The following FHIP2A variants were observed in gnomAD, a reference collection of about 807,000 sequenced individuals.
FHIP2A encodes family with sequence similarity 160 member B1.
Under a neutral mutation model 93.5 loss-of-function variants are expected in FHIP2A, and 46 were observed. The ratio of observed to expected loss-of-function variants is 0.49; its 90% CI spans 0.39 to 0.63. The LOEUF is 0.63. FHIP2A is among the 20% of genes least tolerant of loss of function. FHIP2A has a pLI of 0.00. For synonymous variants in FHIP2A, 332 were observed against 326.5 expected, an observed-to-expected ratio of 1.02 and a Z score of -0.18; for missense variants, 769 against 909.7, an observed-to-expected ratio of 0.85 and a Z score of 1.99.
At chr10:114,852,119 TA>T (rs1340494396) in intron 13 of FHIP2A, among the ~76,000 whole-genome samples, 1 of 133,736 alleles carries the variant, frequency 7.5e-6, no homozygotes, top group Non-Finnish European at 1.6e-5. Flanking sequence ...TCTCCTTTCT[TA>T]AGGCTTCTGC....
chr10:114,844,657 C>T (rs1453481282), intron 7 of FHIP2A, among the ~76,000 whole-genome samples: 1 of 152,092 alleles, frequency 6.6e-6, no homozygotes, highest in Non-Finnish European at 1.5e-5. Context: ...CCCCATTTAC[C>T]GTTCTTTTCT....
chr10:114,864,589 T>C lies in FHIP2A; in HGVS notation c.*3049T>C. 1.0e-6 allele frequency: 1 copy of C among 985,836 alleles called. No individual in the cohort carries two copies. Among genetic ancestry groups the C allele is most frequent in the Non-Finnish European group, 1.2e-6 (1 of 829,918 alleles). 61.1% of individuals were successfully genotyped at this position (985,836 alleles called of 1,614,324 possible). On this transcript the variant is annotated 3_prime_UTR_variant, in exon 17 of 17. Coordinates refer to ENST00000369248, the MANE Select transcript of FHIP2A (RefSeq NM_020940.4). The stretch of plus-strand genomic sequence containing the variant: ...TCTTGGTCCCTCCGTGGAGAAACTC[T>C]TCAGATGGTCATTGTGTACCTACTC...
chr10:114,855,133 T>A (rs2083759082), intron 13 of FHIP2A, 64 bp from the exon 14 acceptor site: 6 of 1,543,460 alleles, frequency 3.9e-6, no homozygotes, highest in Non-Finnish European at 5.3e-6. Context: ...TTTAATGAAA[T>A]CATTTCTATT....
intron 5 of FHIP2A, among the ~76,000 whole-genome samples, chr10:114,838,083 C>T (rs772499595): frequency 2.6e-5 from 4 of 152,106 alleles, no homozygotes; most frequent in Non-Finnish European, 5.9e-5. Flanking sequence ...CATAAGAAAC[C>T]GCCAAACTGT....
At chr10:114,842,049 C>G (rs1018014163) in intron 5 of FHIP2A, among the ~76,000 whole-genome samples, 1 of 151,938 alleles carries the variant, frequency 6.6e-6, no homozygotes, top group Non-Finnish European at 1.5e-5. Context: ...TGAGTAGTTT[C>G]TTGGGTTCTC....
chr10:114,824,387 A>G (rs1201593362), intron 1 of FHIP2A, among the ~76,000 whole-genome samples: 1 of 152,162 alleles, frequency 6.6e-6, no homozygotes, highest in Non-Finnish European at 1.5e-5. Flanking sequence ...CTGCTCTGTA[A>G]TATCCTTAGC....
chr10:114,827,790 C>A (rs11196935), intron 1 of FHIP2A, among the ~76,000 whole-genome samples: 56,091 of 136,860 alleles, frequency 0.41, 11,910 homozygotes, highest in Non-Finnish European at 0.48. Flanking sequence ...GAGCGAGACT[C>A]CATCTCAAAA....
intron 16 of FHIP2A, among the ~76,000 whole-genome samples, chr10:114,885,199 A>G (rs557750111): frequency 6.6e-6 from 1 of 152,170 alleles, no homozygotes; most frequent in Non-Finnish European, 1.5e-5. Context: ...GTTTGAGACC[A>G]GCCTGACCAA....
At chr10:114,834,154 G>GT (rs2083624087) in intron 3 of FHIP2A, among the ~76,000 whole-genome samples, 1 of 152,134 alleles carries the variant, frequency 6.6e-6, no homozygotes, top group Non-Finnish European at 1.5e-5. Flanking sequence ...AAAGAAACCT[G>GT]TAGACACATT....
Position 114,897,229 on chromosome 10 carries a change from C to T in FHIP2A, c.2193-2261C>T, listed in dbSNP as rs796818900. 3.9e-5 allele frequency among the ~76,000 whole-genome samples: 6 copies of T among 152,296 alleles called. No homozygotes were observed. The South Asian group carries it at 1.2e-3, about 32-fold the overall frequency. Reference sequence around the variant, plus strand: ...CTTCCTTTGTTCTTCTCTGCCTTTGCCTCTTTTAGAAAGTTCTAAGTTGCT... The same window carrying T: ...CTTCCTTTGTTCTTCTCTGCCTTTGTCTCTTTTAGAAAGTTCTAAGTTGCT... On this transcript the variant is annotated intron_variant, in intron 16 of 16. Coordinates refer to the FHIP2A transcript ENST00000369250.
Position 114,830,892 on chromosome 10 carries a change from A to G in FHIP2A, c.86A>G (p.His29Arg). The change falls in exon 2 of 17, where the codon CAC becomes CGC. Residue 29 changes from histidine to arginine, a missense_variant. Transcript: ENST00000369248. Reference protein sequence around the residue: ...SLPLQEDFVYHWKAITHYYIE... With the variant: ...SLPLQEDFVYRWKAITHYYIE... Reference sequence around the variant, plus strand: ...CCTTTACAAGAAGATTTTGTTTATCACTGGAAGGCAATTACCCATTACTAC... The same window carrying G: ...CCTTTACAAGAAGATTTTGTTTATCGCTGGAAGGCAATTACCCATTACTAC... 6.2e-7 allele frequency: 1 copy of G among 1,610,254 alleles called. No individual in the cohort carries two copies. The highest frequency in any genetic ancestry group is 8.5e-7 in the Non-Finnish European group (1 of 1,177,980).
At chr10:114,826,227 C>T (rs1284628277) in intron 1 of FHIP2A, among the ~76,000 whole-genome samples, 1 of 152,180 alleles carries the variant, frequency 6.6e-6, no homozygotes, top group East Asian at 1.9e-4. Context: ...GGTCACAATG[C>T]TTACAGTCTC....
At chr10:114,826,560 CTA>C (rs1254121178) in intron 1 of FHIP2A, among the ~76,000 whole-genome samples, 2 of 152,144 alleles carry the variant, frequency 1.3e-5, no homozygotes, top group African/African-American at 4.8e-5. Flanking sequence ...CCAGTGAACT[CTA>C]TAGGAGAAGG....
At chr10:114,896,705 A>G (rs1161144204) in intron 16 of FHIP2A, among the ~76,000 whole-genome samples, 1 of 152,194 alleles carries the variant, frequency 6.6e-6, no homozygotes, top group East Asian at 1.9e-4. Context: ...TCTTACACAT[A>G]TTGATTGATG....
chr10:114,828,900 A>C (rs1452331721), intron 1 of FHIP2A, among the ~76,000 whole-genome samples: 2 of 152,210 alleles, frequency 1.3e-5, no homozygotes, highest in Non-Finnish European at 1.5e-5. Context: ...TTTCAGGTCT[A>C]TTTTATTCCA....
chr10:114,875,108 G>T (rs1395066300), intron 16 of FHIP2A, among the ~76,000 whole-genome samples: 1 of 152,180 alleles, frequency 6.6e-6, no homozygotes, highest in East Asian at 1.9e-4. Context: ...TGCCACCAGG[G>T]ACTGCAGGCC....
chr10:114,860,309 T>C (rs527947020), intron 14 of FHIP2A, among the ~76,000 whole-genome samples: 113 of 152,228 alleles, frequency 7.4e-4, no homozygotes, highest in Non-Finnish European at 7.5e-4. Context: ...ATATTTTCAT[T>C]GCAGAAGAGC....
intron 1 of FHIP2A, among the ~76,000 whole-genome samples, chr10:114,830,457 G>A (rs1297211262): frequency 6.6e-6 from 1 of 151,810 alleles, no homozygotes; most frequent in African/African-American, 2.4e-5. Flanking sequence ...ATTTTTAGTA[G>A]AGATGGGGTT....
chr10:114,822,876 C>T (rs1292127067), intron 1 of FHIP2A, among the ~76,000 whole-genome samples: 1 of 152,168 alleles, frequency 6.6e-6, no homozygotes, highest in Non-Finnish European at 1.5e-5. Flanking sequence ...TTGTACTCTC[C>T]TTTGAGGGTT....
Sources: gnomAD v4.1 joint callset for allele counts (sites outside exome capture counted in the v4.1 genomes callset) on GRCh38, gnomAD v4.1.1 for gene constraint, MANE v1.5 for transcripts, NCBI Gene and HGNC (gene_info 2026-07-23, HGNC 2026-07-21) for gene names.